RBMS3: variants seen among roughly 807,000 people sequenced by gnomAD.
The protein encoded by RBMS3 is RNA-binding motif, single-stranded-interacting protein 3.
Under a neutral mutation model 66.8 loss-of-function variants are expected in RBMS3, and 27 were observed. That is an observed-to-expected ratio of 0.40 (90% CI 0.30 to 0.56). The LOEUF (loss-of-function observed/expected upper bound fraction) is 0.56, where lower values mean the gene tolerates loss of function less well. RBMS3 is among the 20% of genes least tolerant of loss of function. RBMS3 has a pLI of 0.40. For missense variants in RBMS3, 513 were observed against 549.5 expected (o/e 0.93, Z 0.66); for synonymous variants, 188 against 183.0 (o/e 1.03, Z -0.22).
At chr3:29,709,182 TTGGC>T (rs1374942031) in intron 4 of RBMS3, among the ~76,000 whole-genome samples, 3 of 151,954 alleles carry the variant, frequency 2.0e-5, no homozygotes, top group Admixed American at 2.0e-4. Flanking sequence ...TGTCTCAGGG[TTGGC>T]TTCCCAAGGA....
chr3:30,004,704 G>A lies in RBMS3; in HGVS notation c.*842G>A, dbSNP rs1205775846. ...ATTTTACAGTAAAGTTATTAAGGTT[G>A]GTTTAAAAACAACTGCATTAGAAAT... On this transcript the variant is annotated 3_prime_UTR_variant, in exon 15 of 15. Coordinates refer to ENST00000383767, the MANE Select transcript of RBMS3 (RefSeq NM_001003793.3). 2 of 152,062 alleles carry A rather than the reference G, an allele frequency of 1.3e-5. No homozygotes were observed. The highest frequency in any genetic ancestry group is 3.0e-5 in the Non-Finnish European group (2 of 67,778). 9.4% of individuals were successfully genotyped at this position (152,062 alleles called of 1,614,324 possible). A position where few individuals can be genotyped will look rare whatever the true frequency, so the allele number is the denominator to read the frequency against.
intron 1 of RBMS3, among the ~76,000 whole-genome samples, chr3:29,342,633 G>C (rs1352347072): frequency 6.6e-6 from 1 of 152,016 alleles, no homozygotes; most frequent in African/African-American, 2.4e-5. Flanking sequence ...TTATCAAGTG[G>C]GTAGGGATTT....
intron 5 of RBMS3, among the ~76,000 whole-genome samples, chr3:29,740,903 T>C (rs998761543): frequency 6.6e-6 from 1 of 151,988 alleles, no homozygotes; most frequent in South Asian, 2.1e-4. Flanking sequence ...AGCCGTTGCG[T>C]GGTGGCACAT....
chr3:29,662,795 T>C (rs2050607165), intron 4 of RBMS3, among the ~76,000 whole-genome samples: 1 of 152,216 alleles, frequency 6.6e-6, no homozygotes, highest in African/African-American at 2.4e-5. Context: ...GAATGAGTGA[T>C]AGCCACCAAT....
intron 8 of RBMS3, among the ~76,000 whole-genome samples, chr3:29,890,766 G>T (rs904563387): frequency 1.3e-5 from 2 of 151,538 alleles, no homozygotes; most frequent in African/African-American, 4.8e-5. Context: ...TGTTTCTGAA[G>T]GAGTACACAA....
At chr3:29,878,295 C>T (rs1460636319) in intron 7 of RBMS3, among the ~76,000 whole-genome samples, 1 of 152,052 alleles carries the variant, frequency 6.6e-6, no homozygotes, top group African/African-American at 2.4e-5. Flanking sequence ...TTGGAGACCC[C>T]TGATCTAGTA....
At chr3:29,934,087 C>G (rs1028682244) in intron 10 of RBMS3, 1 of 152,038 alleles carries the variant, frequency 6.6e-6, no homozygotes, top group Non-Finnish European at 1.5e-5. Flanking sequence ...CCTTACCAAA[C>G]GCAGTTTGGT....
chr3:29,907,024 G>A (rs17024585), intron 10 of RBMS3, among the ~76,000 whole-genome samples: 3,551 of 152,048 alleles, frequency 0.023, 153 homozygotes, highest in African/African-American at 0.082. Flanking sequence ...ATTTACACTG[G>A]TTTACCCAAT....
At chr3:29,744,755 G>A (rs1382794959) in intron 5 of RBMS3, among the ~76,000 whole-genome samples, 5 of 146,936 alleles carry the variant, frequency 3.4e-5, no homozygotes, top group African/African-American at 5.1e-5. Flanking sequence ...TTGCACTCCA[G>A]CCCGCACGAT....
At chr3:29,931,607 C>T (rs75214557) in intron 10 of RBMS3, among the ~76,000 whole-genome samples, 1 of 150,758 alleles carries the variant, frequency 6.6e-6, no homozygotes, top group Admixed American at 6.7e-5. Flanking sequence ...CCCACAAAAG[C>T]CTTTCTTAAA....
intron 6 of RBMS3, among the ~76,000 whole-genome samples, chr3:29,838,047 G>A (rs1271788544): frequency 6.6e-6 from 1 of 151,630 alleles, no homozygotes; most frequent in Non-Finnish European, 1.5e-5. Flanking sequence ...AATAAGACTG[G>A]GGAGGTGTGG....
At chr3:29,579,078 G>C (rs909235246) in intron 3 of RBMS3, among the ~76,000 whole-genome samples, 1 of 151,884 alleles carries the variant, frequency 6.6e-6, no homozygotes, top group Non-Finnish European at 1.5e-5. Context: ...TGGGATTACA[G>C]GCGTGAGCCA....
At chr3:29,345,318 A>G (rs2036510285) in intron 1 of RBMS3, among the ~76,000 whole-genome samples, 1 of 151,766 alleles carries the variant, frequency 6.6e-6, no homozygotes, top group African/African-American at 2.4e-5. Flanking sequence ...TCTCTTGAAA[A>G]CTCATGGCTT....
chr3:29,527,204 AAAAAAAGATG>A (rs1415333937), intron 3 of RBMS3, among the ~76,000 whole-genome samples: 16 of 148,526 alleles, frequency 1.1e-4, no homozygotes, highest in South Asian at 2.1e-4. Context: ...AAAAAAAAAA[AAAAAAAGATG>A]GAAAGTAGCC....
intron 6 of RBMS3, among the ~76,000 whole-genome samples, chr3:29,827,848 G>A (rs1051950883): frequency 2.0e-5 from 3 of 152,136 alleles, no homozygotes; most frequent in Non-Finnish European, 4.4e-5. Flanking sequence ...AGACCAAAAA[G>A]ATGATAGAAA....
intron 6 of RBMS3, among the ~76,000 whole-genome samples, chr3:29,867,327 T>G (rs2059387748): frequency 6.6e-6 from 1 of 151,800 alleles, no homozygotes; most frequent in African/African-American, 2.4e-5. Context: ...TTGTAACATC[T>G]TAGTGGCATG....
chr3:29,640,016 T>TG (rs2049637347), intron 4 of RBMS3, among the ~76,000 whole-genome samples: 1 of 151,840 alleles, frequency 6.6e-6, no homozygotes, highest in Admixed American at 6.6e-5. Flanking sequence ...TCCTATGCCC[T>TG]GACCATCAGG....
chr3:29,691,061 G>A (rs959935250), intron 4 of RBMS3, among the ~76,000 whole-genome samples: 5 of 152,128 alleles, frequency 3.3e-5, no homozygotes, highest in African/African-American at 1.2e-4. Context: ...TCTACCAGAG[G>A]GAGTTCTATT....
chr3:29,799,898 T>C (rs1283889875), intron 6 of RBMS3, among the ~76,000 whole-genome samples: 11 of 152,162 alleles, frequency 7.2e-5, no homozygotes, highest in Non-Finnish European at 1.3e-4. Flanking sequence ...TATCAGCAAA[T>C]AGGTGGGAAA....
Sources: allele counts gnomAD v4.1 joint callset (sites outside exome capture counted in the v4.1 genomes callset), GRCh38; gene constraint gnomAD v4.1.1; transcripts MANE v1.5; gene names NCBI Gene and HGNC (gene_info 2026-07-23, HGNC 2026-07-21).